The following MRPL38 variants were observed in gnomAD, a reference collection of about 807,000 sequenced individuals.
MRPL38 encodes the protein large ribosomal subunit protein mL38.
In MRPL38, 51 loss-of-function variants were observed where a neutral mutation model predicts 52.1. The observed-to-expected ratio is 0.98, with a 90% CI of 0.78 to 1.24. The LOEUF (loss-of-function observed/expected upper bound fraction) is 1.24, where lower values mean the gene tolerates loss of function less well. MRPL38 is among the 50% of genes most tolerant of loss of function. The probability of loss-of-function intolerance (pLI) is 0.00; values close to 1 mark genes in which losing one functional copy is unlikely to be tolerated. For missense variants in MRPL38, 527 were observed against 518.6 expected (o/e 1.02, Z -0.16); for synonymous variants, 245 against 212.7 (o/e 1.15, Z -1.32).
rs2065408503 is a variant in MRPL38 at position 75,902,215 on chromosome 17, C to CA, written c.248-62dup. ...TGACTCACTGCAGCCTTAACCTCCCCAACTCAGTCTCCTGAGTAGCTGGGG... is the reference window on the plus strand; with the variant it reads ...TGACTCACTGCAGCCTTAACCTCCCCAAACTCAGTCTCCTGAGTAGCTGGGG... On this transcript the variant is annotated intron_variant, in intron 2 of 8. Coordinates refer to ENST00000309352, the MANE Select transcript of MRPL38 (RefSeq NM_032478.4). 4 of 1,518,012 alleles carry CA rather than the reference C, an allele frequency of 2.6e-6. No homozygotes were observed. In the Admixed American group the frequency reaches 8.1e-5, roughly 31 times the overall value. The allele number at this position is 1,518,012 out of a possible 1,614,324, so 94.0% of individuals were successfully genotyped here.
chr17:75,901,778 C>T lies in MRPL38; in HGVS notation c.525G>A (p.Val175=). The T allele has an allele frequency of 2.5e-6, 4 of 1,613,682 alleles. No homozygotes were observed. Among genetic ancestry groups the T allele is most frequent in the Non-Finnish European group, 3.4e-6 (4 of 1,179,868 alleles). The change falls in exon 4 of 9, where the codon GTG becomes GTA. Residue 175 remains valine (V), a synonymous_variant. Coordinates refer to ENST00000309352, the MANE Select transcript of MRPL38 (RefSeq NM_032478.4). The surrounding 1 kb of genome is among the most constrained non-coding windows in gnomAD (Gnocchi z 5.7). Reference sequence around the variant, plus strand: ...GGTCATCCTCACCCACAGCGTAGGCCACGTGCAGGGGGACTCGGGGCACAA... The same window carrying T: ...GGTCATCCTCACCCACAGCGTAGGCTACGTGCAGGGGGACTCGGGGCACAA... ...ATFVPRVPLH[V]AYAVGEDDLM... is the part of the protein sequence containing the mutation.
chr17:75,899,306 T>G lies in MRPL38; in HGVS notation c.870-12A>C, dbSNP rs1567852297. ...GGGCCAGCTGATAGCTATGAGAAGA[T>G]AGAGAGCGTATGAGAGTGTGGAGTG... is the stretch of plus-strand genomic sequence containing the variant. On this transcript the variant is annotated splice_polypyrimidine_tract_variant and intron_variant, in intron 7 of 8. Transcript: ENST00000309352. 1.2e-6 allele frequency: 2 copies of G among 1,611,618 alleles called. No homozygotes were observed. The highest frequency in any genetic ancestry group is 3.3e-5 in the Admixed American group (2 of 59,814).
In MRPL38 at chr17:75,901,316, G is replaced by T. The variant is rs774610327; in HGVS notation, c.592-43C>A. ...AAGCTGTCAGCCCCACCAGGGACAG[G>T]CCAGCTGTTGCAGGGAGCCTTGGAG... is the stretch of plus-strand genomic sequence containing the variant. On this transcript the variant is annotated intron_variant, in intron 4 of 8. Coordinates refer to ENST00000309352, the MANE Select transcript of MRPL38 (RefSeq NM_032478.4). The surrounding 1 kb of genome is among the most constrained non-coding windows in gnomAD (Gnocchi z 5.7). 5 of 1,592,280 alleles carry T rather than the reference G, an allele frequency of 3.1e-6. No individual in the cohort carries two copies. The highest frequency in any genetic ancestry group is 3.4e-6 in the Non-Finnish European group (4 of 1,165,264).
In MRPL38 at chr17:75,904,731, G is replaced by C; in HGVS notation, c.68-12C>G. 1 of 1,514,732 alleles carries C rather than the reference G, an allele frequency of 6.6e-7. No individual in the cohort carries two copies. Among genetic ancestry groups the C allele is most frequent in the African/African-American group, 1.4e-5 (1 of 69,318 alleles). The allele number at this position is 1,514,732 out of a possible 1,614,324, so 93.8% of individuals were successfully genotyped here. A position where few individuals can be genotyped will look rare whatever the true frequency, so the allele number is the denominator to read the frequency against. On this transcript the variant is annotated splice_polypyrimidine_tract_variant and intron_variant, in intron 1 of 8. Transcript: ENST00000309352. ...GCGGCCCAGGACGGCTGCGGGCAGA[G>C]AGAAGACGTAAGGCCGGCGCCCCAC...
chr17:75,899,976 T>C, intron 6 of MRPL38: 1 of 227,994 alleles, frequency 4.4e-6, no homozygotes. Context: ...TCACTGAGGC[T>C]AGAAAGCCAG....
rs934975926 is a variant in MRPL38, at chr17:75,904,378, A to G, written c.247+162T>C. The G allele has an allele frequency of 1.4e-5, 11 of 802,276 alleles. No homozygotes were observed. In the Admixed American group the frequency reaches 2.2e-4, roughly 16 times the overall value. 49.7% of individuals were successfully genotyped at this position (802,276 alleles called of 1,614,324 possible). Reference sequence around the variant, plus strand: ...AGAAGGTGTGAAAAATCCTGGGGTGATTAAGCTGCCGATAGCGCACACAGG... The same window carrying G: ...AGAAGGTGTGAAAAATCCTGGGGTGGTTAAGCTGCCGATAGCGCACACAGG... On this transcript the variant is annotated intron_variant, in intron 2 of 8. Coordinates refer to ENST00000309352, the MANE Select transcript of MRPL38 (RefSeq NM_032478.4).
chr17:75,903,952 T>A (rs1305580451), intron 2 of MRPL38, among the ~76,000 whole-genome samples: 1 of 152,226 alleles, frequency 6.6e-6, no homozygotes, highest in African/African-American at 2.4e-5. Context: ...GGTCTCGAAC[T>A]CCCGACCTCA....
intron 2 of MRPL38, chr17:75,904,189 CGCACAGTCAGAAT>C (rs2065417826): frequency 4.0e-6 from 2 of 505,712 alleles, no homozygotes; most frequent in Non-Finnish European, 8.0e-6. Context: ...GGAGAGGCAG[CGCACAGTCAGAAT>C]GCAGTGTGGC....
rs1368855447 is a variant in MRPL38, at chr17:75,904,798, C to T, written c.67+11G>A. The T allele has an allele frequency of 1.0e-5, 15 of 1,445,338 alleles. No individual in the cohort carries two copies. Among genetic ancestry groups the T allele is most frequent in the African/African-American group, 3.1e-5 (2 of 64,472 alleles). 89.5% of individuals were successfully genotyped at this position (1,445,338 alleles called of 1,614,324 possible). A position where few individuals can be genotyped will look rare whatever the true frequency, so the allele number is the denominator to read the frequency against. ...CCCCCCCCCCCCCCCGCAGAGCTGC[C>T]CACCCCTCACCCGAGGTGCTGAAGC... On this transcript the variant is annotated intron_variant, in intron 1 of 8. Coordinates refer to ENST00000309352, the MANE Select transcript of MRPL38 (RefSeq NM_032478.4).
chr17:75,902,183 A>C (rs1567853371), intron 2 of MRPL38, 29 bp from the exon 3 acceptor site: 1 of 1,549,514 alleles, frequency 6.5e-7, no homozygotes, highest in Admixed American at 2.0e-5. Flanking sequence ...TGGGAAAAAC[A>C]GGGTCATGAC....
In MRPL38 at chr17:75,901,711, C is replaced by A. The variant is rs756952676; in HGVS notation, c.591+1G>T. On this transcript the variant is annotated splice_donor_variant, in intron 4 of 8. Coordinates refer to ENST00000309352, the MANE Select transcript of MRPL38 (RefSeq NM_032478.4). LOFTEE classifies it high-confidence loss of function. The surrounding 1 kb of genome is among the most constrained non-coding windows in gnomAD (Gnocchi z 5.7). ...GAGGAGGGGCACAAGTGAGTGGTTACCTCGGTTGGAGTCACCTCATTGCCA... is the reference window on the plus strand; with the variant it reads ...GAGGAGGGGCACAAGTGAGTGGTTAACTCGGTTGGAGTCACCTCATTGCCA... 6.2e-7 allele frequency: 1 copy of A among 1,613,616 alleles called. No homozygotes were observed. The highest frequency in any genetic ancestry group is 8.5e-7 in the Non-Finnish European group (1 of 1,179,682).
Position 75,904,695 on chromosome 17 carries a change from G to T in MRPL38, c.92C>A (p.Pro31Gln), listed in dbSNP as rs550202402. The change falls in exon 2 of 9, where the codon CCG (proline) becomes CAG (glutamine). Residue 31 changes from proline to glutamine, a missense_variant. Transcript: ENST00000309352. ...TSAVLGRRTPPLGPMPNSDID... is the reference protein window; with the variant it reads ...TSAVLGRRTPQLGPMPNSDID... ...GTCACTGTTGGGCATCGGCCCCAGC[G>T]GGGGTGTCCGGCGGCCCAGGACGGC... is the stretch of plus-strand genomic sequence containing the variant. 5 of 1,593,314 alleles carry T rather than the reference G, an allele frequency of 3.1e-6. No homozygotes were observed. In the African/African-American group the frequency reaches 6.7e-5, roughly 21 times the overall value.
In MRPL38 at chr17:75,899,613, A is replaced by G; in HGVS notation, c.772T>C (p.Phe258Leu). 1 of 1,607,206 alleles carries G rather than the reference A, an allele frequency of 6.2e-7. No individual in the cohort carries two copies. The highest frequency in any genetic ancestry group is 8.5e-7 in the Non-Finnish European group (1 of 1,175,922). Residue 258 changes from phenylalanine to leucine, a missense_variant, in exon 7 of 9, where the codon TTC becomes CTC. By Grantham distance (22) the Phe-to-Leu change is conservative. Coordinates refer to ENST00000309352, the MANE Select transcript of MRPL38 (RefSeq NM_032478.4). Reference protein sequence around the residue: ...GQVTCPYLPPFPARGSGIHRL... With the variant: ...GQVTCPYLPPLPARGSGIHRL... ...TGGATGCCGGAGCCTCGGGCAGGGA[A>G]GGGGGGGAGGTAGGGACACGTCACC...
In MRPL38 at chr17:75,901,170, GC is replaced by G; in HGVS notation, c.664+30del. 5 of 1,611,840 alleles carry G rather than the reference GC, an allele frequency of 3.1e-6. No individual in the cohort carries two copies. The highest frequency in any genetic ancestry group is 4.2e-6 in the Non-Finnish European group (5 of 1,179,080). On this transcript the variant is annotated intron_variant, in intron 5 of 8. Coordinates refer to ENST00000309352, the MANE Select transcript of MRPL38 (RefSeq NM_032478.4). This position sits in a 1 kb window ranked among gnomAD's most constrained non-coding sequence, Gnocchi z 5.7. Reference sequence around the variant, plus strand: ...CCCTGGCTCATAGGAGGTGAGCGGGGCAGGAGGCCTGGTGAGCCCCAGACAC... The same window carrying G: ...CCCTGGCTCATAGGAGGTGAGCGGGGAGGAGGCCTGGTGAGCCCCAGACAC...
chr17:75,903,658 TAAAGAAAAGA>T (rs60931911), intron 2 of MRPL38, among the ~76,000 whole-genome samples: 7 of 151,572 alleles, frequency 4.6e-5, no homozygotes, highest in East Asian at 1.9e-4. Flanking sequence ...CTATAAATGC[TAAAGAAAAGA>T]AAAGAAAAGA....
In MRPL38 at chr17:75,904,725, G is replaced by A; in HGVS notation, c.68-6C>T. ...TGTCCGGCGGCCCAGGACGGCTGCGGGCAGAGAGAAGACGTAAGGCCGGCG... is the reference window on the plus strand; with the variant it reads ...TGTCCGGCGGCCCAGGACGGCTGCGAGCAGAGAGAAGACGTAAGGCCGGCG... On this transcript the variant is annotated splice_region_variant and splice_polypyrimidine_tract_variant and intron_variant, in intron 1 of 8. Coordinates refer to ENST00000309352, the MANE Select transcript of MRPL38 (RefSeq NM_032478.4). The A allele has an allele frequency of 1.3e-6, 2 of 1,570,250 alleles. No homozygotes were observed. Among genetic ancestry groups the A allele is most frequent in the Non-Finnish European group, 1.7e-6 (2 of 1,167,572 alleles).
chr17:75,899,436 G>A, intron 7 of MRPL38, 80 bp downstream of exon 7: 3 of 1,516,872 alleles, frequency 2.0e-6, no homozygotes, highest in South Asian at 1.3e-5. Flanking sequence ...CAAGGCTGAG[G>A]TCAAGAGAGA....
chr17:75,899,388 G>C, intron 7 of MRPL38, 94 bp from the exon 8 acceptor site: 3 of 1,527,240 alleles, frequency 2.0e-6, no homozygotes, highest in Non-Finnish European at 2.6e-6. Context: ...AGGCCCCTGG[G>C]AGTCTGCTAG....
Position 75,898,689 on chromosome 17 carries a change from G to A in MRPL38, c.*161C>T, listed in dbSNP as rs2065387101. On this transcript the variant is annotated 3_prime_UTR_variant, in exon 9 of 9. Coordinates refer to ENST00000309352, the MANE Select transcript of MRPL38 (RefSeq NM_032478.4). ...ATTCACATTCCCCACCCCACCACCT[G>A]AGAGTCACTTTCACTCCAAGCCCTG... The A allele has an allele frequency of 2.6e-6, 2 of 761,966 alleles. No individual in the cohort carries two copies. Among genetic ancestry groups the A allele is most frequent in the South Asian group, 3.6e-5 (2 of 55,192 alleles). The allele number at this position is 761,966 out of a possible 1,614,324, so 47.2% of individuals were successfully genotyped here.
Sources: gnomAD v4.1 joint callset for allele counts (sites outside exome capture counted in the v4.1 genomes callset) on GRCh38, gnomAD v4.1.1 for gene constraint, Gnocchi (gnomAD v3.1) non-coding constraint, MANE v1.5 for transcripts, NCBI Gene and HGNC (gene_info 2026-07-23, HGNC 2026-07-21) for gene names.